PGBD5: variants seen among roughly 807,000 people sequenced by gnomAD.
PGBD5 encodes the protein piggyBac transposable element derived 5.
PGBD5 carries 14 observed loss-of-function variants against 47.9 expected under a neutral mutation model. The observed-to-expected ratio is 0.29, with a 90% confidence interval of 0.19 to 0.46. The LOEUF (loss-of-function observed/expected upper bound fraction) is 0.46. Among genes scored for constraint, PGBD5 ranks in the 20% least tolerant of loss-of-function variants. The pLI is 1.00. For synonymous variants in PGBD5, 316 were observed against 306.3 expected, an observed-to-expected ratio of 1.03 and a Z score of -0.33; for missense variants, 635 against 716.0, an observed-to-expected ratio of 0.89 and a Z score of 1.29.
chr1:230,383,417 T>C (rs1383817534), intron 1 of PGBD5, among the ~76,000 whole-genome samples: 1 of 151,838 alleles, frequency 6.6e-6, no homozygotes, highest in Non-Finnish European at 1.5e-5. Context: ...CAGGCTGGAG[T>C]GCAGTGGTGC....
chr1:230,372,954 T>C (rs1463089750), intron 1 of PGBD5, among the ~76,000 whole-genome samples: 1 of 152,190 alleles, frequency 6.6e-6, no homozygotes, highest in Non-Finnish European at 1.5e-5. Flanking sequence ...TCTGCAGCTC[T>C]GCCAAGATCT....
intron 1 of PGBD5, among the ~76,000 whole-genome samples, chr1:230,402,684 C>G (rs1282103462): frequency 6.6e-6 from 1 of 152,120 alleles, no homozygotes; most frequent in Admixed American, 6.5e-5. Context: ...GGCTTGCCCT[C>G]GCTATGTTGC....
chr1:230,324,233 T>C (rs936260716), intron 6 of PGBD5, among the ~76,000 whole-genome samples: 6 of 152,352 alleles, frequency 3.9e-5, no homozygotes, highest in South Asian at 2.1e-4. Flanking sequence ...GTATAAAGTA[T>C]GGGAGGATCG....
intron 3 of PGBD5, among the ~76,000 whole-genome samples, chr1:230,339,343 TGA>T (rs1451797547): frequency 6.6e-6 from 1 of 152,186 alleles, no homozygotes; most frequent in Non-Finnish European, 1.5e-5. Context: ...TGTAGGGAAA[TGA>T]GCACTGTGCT....
intron 1 of PGBD5, among the ~76,000 whole-genome samples, chr1:230,394,880 C>T (rs1321802009): frequency 7.8e-6 from 1 of 127,612 alleles, no homozygotes; most frequent in Non-Finnish European, 1.7e-5. Context: ...TCCCCCCTCT[C>T]CTCATGCTCC....
chr1:230,347,107 C>T (rs1247344837), intron 3 of PGBD5, among the ~76,000 whole-genome samples: 1 of 152,316 alleles, frequency 6.6e-6, no homozygotes, highest in East Asian at 1.9e-4. Flanking sequence ...ATTGCCCCAG[C>T]CCTCTAGTTC....
rs1296413101 is a variant in PGBD5, at chr1:230,425,658, C to T, written c.271G>A (p.Gly91Ser). ...CGCAGCGCTGCGCTCCAGCCCGCGC[C>T]GGCCTCGTCCTCCTCCGGCTCCTGT... ...DAQEPEEDEA[G>S]AGWSAALRDR... The change falls in exon 1 of 7, where the codon GGC (glycine) becomes AGC (serine). Residue 91 changes from glycine to serine, a missense_variant. Coordinates refer to ENST00000391860, the MANE Select transcript of PGBD5 (RefSeq NM_001258311.2). This position sits in a 1 kb window ranked among gnomAD's most constrained non-coding sequence, Gnocchi z 4.7. 1.6e-6 allele frequency: 2 copies of T among 1,219,836 alleles called. No individual in the cohort carries two copies. The highest frequency in any genetic ancestry group is 2.0e-6 in the Non-Finnish European group (2 of 980,296). 75.6% of individuals were successfully genotyped at this position (1,219,836 alleles called of 1,614,324 possible). A position where few individuals can be genotyped will look rare whatever the true frequency, so the allele number is the denominator to read the frequency against.
chr1:230,412,097 AAGG>A (rs1032240653), intron 1 of PGBD5, among the ~76,000 whole-genome samples: 3 of 152,142 alleles, frequency 2.0e-5, no homozygotes, highest in African/African-American at 4.8e-5. Context: ...AGAGATAGAG[AAGG>A]AGAAGGGAGG....
rs111658578 is a variant in PGBD5, at chr1:230,414,669, G to T, written c.331+10929C>A. Among the ~76,000 whole-genome samples, 164 of 152,186 alleles carry T rather than the reference G, an allele frequency of 1.1e-3. 1 individual carries two copies. Among genetic ancestry groups the T allele is most frequent in the African/African-American group, 3.8e-3 (157 of 41,530 alleles). On this transcript the variant is annotated intron_variant, in intron 1 of 6. Transcript: ENST00000391860. ...AGGCTGTGCTCCAACACCCCAGCTC[G>T]CCTAAGAAAATGCAGCCAAGGAAAA...
At chr1:230,380,824 G>C (rs1468726243) in intron 1 of PGBD5, among the ~76,000 whole-genome samples, 1 of 152,198 alleles carries the variant, frequency 6.6e-6, no homozygotes, top group African/African-American at 2.4e-5. Flanking sequence ...AGGCTCAACA[G>C]TCAAGAGAAA....
intron 5 of PGBD5, among the ~76,000 whole-genome samples, chr1:230,327,319 A>T (rs1667135410): frequency 6.6e-6 from 1 of 151,902 alleles, no homozygotes; most frequent in Admixed American, 6.6e-5. Flanking sequence ...GGTCCACAGG[A>T]GCTTCATCTG....
chr1:230,407,425 A>G (rs1433320409), intron 1 of PGBD5, among the ~76,000 whole-genome samples: 1 of 152,232 alleles, frequency 6.6e-6, no homozygotes, highest in Non-Finnish European at 1.5e-5. Flanking sequence ...ACGGAAAAAA[A>G]AACTGTTCCC....
chr1:230,363,640 C>G (rs558232890), intron 1 of PGBD5, among the ~76,000 whole-genome samples: 1 of 151,814 alleles, frequency 6.6e-6, no homozygotes, highest in East Asian at 1.9e-4. Context: ...GAGCCTCAAG[C>G]ACTGGTTTTG....
Position 230,350,951 on chromosome 1 carries a change from G to A in PGBD5, c.894+7C>T, listed in dbSNP as rs1170378959. The stretch of plus-strand genomic sequence containing the variant: ...CCGACCCTCCCCGGGCTCAGCCCAG[G>A]GCTCACCTGGATGATGAAGCCAGTG... On this transcript the variant is annotated splice_region_variant and intron_variant, in intron 3 of 6. Transcript: ENST00000391860. The A allele has an allele frequency of 1.2e-6, 2 of 1,613,576 alleles. No individual in the cohort carries two copies. Among genetic ancestry groups the A allele is most frequent in the African/African-American group, 2.7e-5 (2 of 74,918 alleles).
chr1:230,415,356 A>C (rs1302946406), intron 1 of PGBD5, among the ~76,000 whole-genome samples: 1 of 152,008 alleles, frequency 6.6e-6, no homozygotes, highest in African/African-American at 2.4e-5. Flanking sequence ...CTTTCCTCCC[A>C]GAAAAATCTC....
chr1:230,403,841 C>A (rs1395174869), intron 1 of PGBD5, among the ~76,000 whole-genome samples: 2 of 152,130 alleles, frequency 1.3e-5, no homozygotes, highest in African/African-American at 4.8e-5. Flanking sequence ...ACAAGGGGGA[C>A]CGCCCAGAAG....
chr1:230,384,924 T>C (rs1468463570), intron 1 of PGBD5, among the ~76,000 whole-genome samples: 1 of 152,244 alleles, frequency 6.6e-6, no homozygotes, highest in East Asian at 1.9e-4. Flanking sequence ...TGTTCACTTT[T>C]TCCTGGAGCT....
In PGBD5 at chr1:230,425,854, G is replaced by T; in HGVS notation, c.75C>A (p.Ser25Arg). ...LLEAARARYE[S>R]LHISDDVFGE... ...CGAACACGTCGTCCGAGATGTGCAG[G>T]CTCTCGTAGCGCGCGCGGGCAGCCT... The change falls in exon 1 of 7, where the codon AGC (serine) becomes AGA (arginine). Residue 25 changes from serine (S) to arginine (R), a missense_variant. Transcript: ENST00000391860. The surrounding 1 kb of genome is among the most constrained non-coding windows in gnomAD (Gnocchi z 4.7). The T allele has an allele frequency of 8.3e-7, 1 of 1,198,310 alleles. No individual in the cohort carries two copies. Among genetic ancestry groups the T allele is most frequent in the Non-Finnish European group, 1.0e-6 (1 of 966,948 alleles). 74.2% of individuals were successfully genotyped at this position (1,198,310 alleles called of 1,614,324 possible).
intron 1 of PGBD5, among the ~76,000 whole-genome samples, chr1:230,424,430 C>T (rs1657725477): frequency 6.6e-6 from 1 of 152,246 alleles, no homozygotes; most frequent in African/African-American, 2.4e-5. Flanking sequence ...CGCATCCACA[C>T]CGCAGCCTGC....
Sources: allele counts gnomAD v4.1 joint callset (sites outside exome capture counted in the v4.1 genomes callset), GRCh38; gene constraint gnomAD v4.1.1; non-coding constraint Gnocchi (gnomAD v3.1); transcripts MANE v1.5; gene names NCBI Gene and HGNC (gene_info 2026-07-23, HGNC 2026-07-21).